AAK1: variants seen among roughly 807,000 people sequenced by gnomAD.
The protein encoded by AAK1 is AP2 associated kinase 1.
In AAK1, 37 loss-of-function variants were observed where a neutral mutation model predicts 116.0. The observed-to-expected ratio is 0.32, with a 90% CI of 0.25 to 0.42. AAK1 has a LOEUF of 0.42. AAK1 is among the 10% of genes least tolerant of loss of function. The pLI, the probability that AAK1 is intolerant of heterozygous loss-of-function variation, is 1.00. For synonymous variants in AAK1, 458 were observed against 439.9 expected (o/e 1.04, Z -0.51); for missense variants, 919 against 1,170.6 (o/e 0.79, Z 3.14).
rs1674638863 is a variant in AAK1, at chr2:69,470,458, C to T, written c.*5411G>A. ...GGTTCCACCATATATTAGGTAGCTG[C>T]ATTAAAACCCACGACTGGGAAATGA... On this transcript the variant is annotated 3_prime_UTR_variant, in exon 22 of 22. Transcript: ENST00000409085. 1.6e-5 allele frequency: 16 copies of T among 985,278 alleles called. 1 individual carries two copies. In the South Asian group the frequency reaches 7.0e-4, roughly 43 times the overall value. 61.0% of individuals were successfully genotyped at this position (985,278 alleles called of 1,614,324 possible).
chr2:69,643,725 C>G lies in AAK1; in HGVS notation c.-385G>C, dbSNP rs377266312. On this transcript the variant is annotated 5_prime_UTR_variant, in exon 1 of 22. Transcript: ENST00000409085. ...CCCGCCCGCCAGCTGATCCCGGGAG[C>G]GCCGGGCGGAGACTGACCCGCCGCC... The G allele has an allele frequency of 1.8e-4, 213 of 1,211,458 alleles. 4 individuals carry two copies. The South Asian group carries it at 7.9e-3, about 45-fold the overall frequency. 75.0% of individuals were successfully genotyped at this position (1,211,458 alleles called of 1,614,324 possible).
chr2:69,474,783 T>A lies in AAK1; in HGVS notation c.*1086A>T. The A allele has an allele frequency of 2.0e-6, 2 of 985,854 alleles. No homozygotes were observed. Among genetic ancestry groups the A allele is most frequent in the Non-Finnish European group, 2.4e-6 (2 of 829,934 alleles). The allele number at this position is 985,854 out of a possible 1,614,324, so 61.1% of individuals were successfully genotyped here. A position where few individuals can be genotyped will look rare whatever the true frequency, so the allele number is the denominator to read the frequency against. On this transcript the variant is annotated 3_prime_UTR_variant, in exon 22 of 22. Coordinates refer to ENST00000409085, the MANE Select transcript of AAK1 (RefSeq NM_014911.5). ...TTCCATATGTTACACTGTAGGATTG[T>A]TGTGTAGTTATACAAGGGAAAGAAA... is the stretch of plus-strand genomic sequence containing the variant.
intron 2 of AAK1, among the ~76,000 whole-genome samples, chr2:69,590,949 G>A (rs141009628): frequency 6.6e-6 from 1 of 152,212 alleles, no homozygotes; most frequent in East Asian, 1.9e-4. Flanking sequence ...AGCCTACATC[G>A]AGCACCTACT....
In AAK1 at chr2:69,471,710, A is replaced by G; in HGVS notation, c.*4159T>C. 1 of 985,462 alleles carries G rather than the reference A, an allele frequency of 1.0e-6. No individual in the cohort carries two copies. Among genetic ancestry groups the G allele is most frequent in the Non-Finnish European group, 1.2e-6 (1 of 829,938 alleles). The allele number at this position is 985,462 out of a possible 1,614,324, so 61.0% of individuals were successfully genotyped here. A position where few individuals can be genotyped will look rare whatever the true frequency, so the allele number is the denominator to read the frequency against. On this transcript the variant is annotated 3_prime_UTR_variant, in exon 22 of 22. Coordinates refer to ENST00000409085, the MANE Select transcript of AAK1 (RefSeq NM_014911.5). ...GAGAGACTTTATTTTGGCCCAAGGT[A>G]TCTATAGCATGTATTTATTTAGCTG...
At chr2:69,634,422 T>C (rs1675358922) in intron 2 of AAK1, among the ~76,000 whole-genome samples, 1 of 152,194 alleles carries the variant, frequency 6.6e-6, no homozygotes, top group Non-Finnish European at 1.5e-5. Context: ...AATGAGAGTA[T>C]GTAGATATAA....
intron 2 of AAK1, 51 bp from the exon 3 acceptor site, chr2:69,557,029 G>A: frequency 7.0e-7 from 1 of 1,427,086 alleles, no homozygotes; most frequent in East Asian, 2.3e-5. Flanking sequence ...CAAAAAGTCA[G>A]CCACATAACT....
intron 2 of AAK1, among the ~76,000 whole-genome samples, chr2:69,582,501 C>A (rs560850964): frequency 5.3e-5 from 8 of 152,140 alleles, no homozygotes; most frequent in Non-Finnish European, 8.8e-5. Context: ...AGTTTGCCCA[C>A]GCTGGCTCTT....
chr2:69,525,734 C>T (rs552580614), intron 9 of AAK1, among the ~76,000 whole-genome samples: 4 of 152,286 alleles, frequency 2.6e-5, no homozygotes, highest in Admixed American at 6.5e-5. Context: ...AACTAGCTGT[C>T]CCTAACCCTA....
chr2:69,555,116 TGAGA>T (rs1671337836), intron 3 of AAK1, among the ~76,000 whole-genome samples: 1 of 151,614 alleles, frequency 6.6e-6, no homozygotes, highest in Non-Finnish European at 1.5e-5. Flanking sequence ...ACAAAGCGTG[TGAGA>T]GCTGAACAAG....
intron 2 of AAK1, among the ~76,000 whole-genome samples, chr2:69,574,630 AGTTT>A (rs1207492909): frequency 6.6e-6 from 1 of 151,962 alleles, no homozygotes; most frequent in Non-Finnish European, 1.5e-5. Flanking sequence ...AAAAAAAAAT[AGTTT>A]GTTTATACGA....
chr2:69,611,605 C>CAT (rs1228209803), intron 2 of AAK1, among the ~76,000 whole-genome samples: 1 of 152,140 alleles, frequency 6.6e-6, no homozygotes, highest in Non-Finnish European at 1.5e-5. Flanking sequence ...TTTATATATA[C>CAT]ATATACCTTA....
chr2:69,468,258 C>T lies in AAK1; in HGVS notation c.*7611G>A. On this transcript the variant is annotated 3_prime_UTR_variant, in exon 22 of 22. Transcript: ENST00000409085. ...GTGGACAGACATAATCCTAATTTCT[C>T]AGGCAAGTAAATTGATATTAGATTT... The T allele has an allele frequency of 1.0e-6, 1 of 985,324 alleles. No individual in the cohort carries two copies. Among genetic ancestry groups the T allele is most frequent in the Non-Finnish European group, 1.2e-6 (1 of 829,862 alleles). 61.0% of individuals were successfully genotyped at this position (985,324 alleles called of 1,614,324 possible).
In AAK1 at chr2:69,514,735, A is replaced by G. The variant is rs755087186; in HGVS notation, c.1512T>C (p.His504=). Residue 504 remains histidine, a synonymous_variant, in exon 13 of 22, where the codon CAT becomes CAC. Transcript: ENST00000409085. Reference sequence around the variant, plus strand: ...CAATTGCTGGTTTCTGGGTTGCTGGATGTACTGCCTGAAACTGAGCAAGAA... The same window carrying G: ...CAATTGCTGGTTTCTGGGTTGCTGGGTGTACTGCCTGAAACTGAGCAAGAA... ...QAQTQQFQAV[H]PATQKPAIAQ... 15 of 1,600,164 alleles carry G rather than the reference A, an allele frequency of 9.4e-6. No homozygotes were observed. Among genetic ancestry groups the G allele is most frequent in the Non-Finnish European group, 1.3e-5 (15 of 1,171,450 alleles).
At position 69,643,688 on chromosome 2, in the gene AAK1, G is replaced by A. The variant is rs1573041253; in HGVS notation, c.-348C>T. ...GCGCTGCAGCGAGAGCCGGGGCCGC[G>A]CTCGGCTCCCGCCCGCCCGCCAGCT... On this transcript the variant is annotated 5_prime_UTR_variant, in exon 1 of 22. Transcript: ENST00000409085. 5 of 1,221,192 alleles carry A rather than the reference G, an allele frequency of 4.1e-6. No homozygotes were observed. The East Asian group carries it at 9.7e-5, about 24-fold the overall frequency. The allele number at this position is 1,221,192 out of a possible 1,614,324, so 75.6% of individuals were successfully genotyped here.
At chr2:69,608,212 A>G (rs992749832) in intron 2 of AAK1, among the ~76,000 whole-genome samples, 5 of 152,220 alleles carry the variant, frequency 3.3e-5, no homozygotes, top group Non-Finnish European at 7.3e-5. Flanking sequence ...AACTCCTACA[A>G]CACAAGCCAA....
chr2:69,505,484 G>T, intron 16 of AAK1, 85 bp downstream of exon 16: 1 of 973,528 alleles, frequency 1.0e-6, no homozygotes, highest in Non-Finnish European at 1.6e-6. Context: ...GGATTTCACT[G>T]GCATGCTAGA....
At chr2:69,633,991 G>A (rs1001001727) in intron 2 of AAK1, among the ~76,000 whole-genome samples, 4 of 152,138 alleles carry the variant, frequency 2.6e-5, no homozygotes, top group African/African-American at 9.7e-5. Flanking sequence ...CTAACATGGT[G>A]AAACCCTACC....
intron 3 of AAK1, among the ~76,000 whole-genome samples, chr2:69,551,089 T>TACAC (rs145389086): frequency 9.3e-5 from 14 of 150,370 alleles, no homozygotes; most frequent in African/African-American, 2.2e-4. Flanking sequence ...GTATTATGTA[T>TACAC]ACACACACAC....
chr2:69,575,020 C>CA (rs1553417497), intron 2 of AAK1, among the ~76,000 whole-genome samples: 2,191 of 76,764 alleles, frequency 0.029, 24 homozygotes, highest in African/African-American at 0.049. Context: ...AAAAAGACTA[C>CA]AAAAAAAAAA....
Sources: gnomAD v4.1 joint callset for allele counts (sites outside exome capture counted in the v4.1 genomes callset) on GRCh38, gnomAD v4.1.1 for gene constraint, MANE v1.5 for transcripts, NCBI Gene and HGNC (gene_info 2026-07-23, HGNC 2026-07-21) for gene names.